ENOX1: variants seen among roughly 807,000 people sequenced by gnomAD.
The protein encoded by ENOX1 is candidate growth-related and time keeping constitutive hydroquinone (NADH) oxidase.
A neutral mutation model predicts 82.5 loss-of-function variants in ENOX1; 42 were observed. That is an observed-to-expected ratio of 0.51 (90% CI 0.40 to 0.66). The LOEUF (loss-of-function observed/expected upper bound fraction) is 0.66. Among genes scored for constraint, ENOX1 ranks in the 30% least tolerant of loss-of-function variants. The pLI, the probability that ENOX1 is intolerant of heterozygous loss-of-function variation, is 0.00. For synonymous variants in ENOX1, 271 were observed against 282.2 expected, an observed-to-expected ratio of 0.96 and a Z score of 0.40; for missense variants, 608 against 811.6, an observed-to-expected ratio of 0.75 and a Z score of 3.05.
At chr13:43,651,336 C>G (rs1318307049) in intron 2 of ENOX1, among the ~76,000 whole-genome samples, 1 of 152,008 alleles carries the variant, frequency 6.6e-6, no homozygotes, top group Non-Finnish European at 1.5e-5. Flanking sequence ...GAAAATTTTG[C>G]CAGGATGCAA....
chr13:43,273,444 T>A (rs751086670), intron 12 of ENOX1, among the ~76,000 whole-genome samples: 5 of 152,166 alleles, frequency 3.3e-5, no homozygotes, highest in Non-Finnish European at 7.3e-5. Flanking sequence ...ACTAAACTCA[T>A]CCTTCCCCAG....
intron 5 of ENOX1, among the ~76,000 whole-genome samples, chr13:43,367,323 C>T (rs375896678): frequency 6.6e-5 from 10 of 152,164 alleles, no homozygotes; most frequent in African/African-American, 2.4e-4. Context: ...AACATAAGTC[C>T]TAATCCCCCA....
intron 2 of ENOX1, among the ~76,000 whole-genome samples, chr13:43,501,795 A>C (rs1307862606): frequency 6.6e-6 from 1 of 150,718 alleles, no homozygotes; most frequent in Admixed American, 6.6e-5. Context: ...ACCTTAACAA[A>C]AAAAAAAAAG....
At chr13:43,564,551 C>A (rs1297429139) in intron 2 of ENOX1, among the ~76,000 whole-genome samples, 1 of 152,104 alleles carries the variant, frequency 6.6e-6, no homozygotes, top group African/African-American at 2.4e-5. Context: ...CTTACAAAAA[C>A]ACTTACCTCA....
At chr13:43,477,602 T>C (rs920981574) in intron 3 of ENOX1, among the ~76,000 whole-genome samples, 11 of 152,240 alleles carry the variant, frequency 7.2e-5, no homozygotes, top group Non-Finnish European at 1.5e-4. Context: ...TTTTGGCAAA[T>C]GAATGGTCAT....
intron 9 of ENOX1, among the ~76,000 whole-genome samples, chr13:43,327,875 C>T (rs1566523508): frequency 6.6e-6 from 1 of 152,184 alleles, no homozygotes; most frequent in African/African-American, 2.4e-5. Context: ...TGATGAACAA[C>T]TACTTCTCAA....
At chr13:43,282,000 A>G (rs1369713968) in intron 12 of ENOX1, among the ~76,000 whole-genome samples, 1 of 152,194 alleles carries the variant, frequency 6.6e-6, no homozygotes, top group Admixed American at 6.5e-5. Flanking sequence ...TAAAAAAATC[A>G]CATTTTGTCA....
intron 5 of ENOX1, among the ~76,000 whole-genome samples, chr13:43,408,861 C>G (rs977636753): frequency 6.6e-6 from 1 of 151,820 alleles, no homozygotes; most frequent in African/African-American, 2.4e-5. Flanking sequence ...ATAACAACTT[C>G]CAGAGTGGGC....
intron 1 of ENOX1, among the ~76,000 whole-genome samples, chr13:43,742,932 T>C (rs1007937134): frequency 2.6e-5 from 4 of 152,080 alleles, no homozygotes; most frequent in Non-Finnish European, 4.4e-5. Flanking sequence ...GAACAGGGAA[T>C]TGGGGGATAG....
intron 3 of ENOX1, among the ~76,000 whole-genome samples, chr13:43,446,435 C>T (rs1326970954): frequency 6.8e-6 from 1 of 146,936 alleles, no homozygotes; most frequent in African/African-American, 2.5e-5. Flanking sequence ...CAAGGATTTC[C>T]TTTTTTTTTT....
chr13:43,522,719 T>A (rs1274841731), intron 2 of ENOX1, among the ~76,000 whole-genome samples: 1 of 152,138 alleles, frequency 6.6e-6, no homozygotes, highest in Admixed American at 6.6e-5. Flanking sequence ...AGTGCACTGG[T>A]ACCCAGATTT....
chr13:43,758,508 A>G (rs1950780520), intron 1 of ENOX1, among the ~76,000 whole-genome samples: 1 of 152,186 alleles, frequency 6.6e-6, no homozygotes, highest in African/African-American at 2.4e-5. Flanking sequence ...TGTGCATAGA[A>G]GGCCAGCATG....
chr13:43,441,405 T>C (rs909519163), intron 3 of ENOX1, among the ~76,000 whole-genome samples: 1 of 152,206 alleles, frequency 6.6e-6, no homozygotes, highest in Non-Finnish European at 1.5e-5. Flanking sequence ...GCTCGAATTG[T>C]TGGAATTATC....
chr13:43,354,374 C>T lies in ENOX1; in HGVS notation c.823+1545G>A, dbSNP rs562463144. On this transcript the variant is annotated intron_variant, in intron 8 of 16. Coordinates refer to ENST00000690772, the MANE Select transcript of ENOX1 (RefSeq NM_001347969.2). ...ATCAGCAAGAAGCATTCCTTGGTTA[C>T]GGTGCGGGTATTTCAGTGGCAGCTG... is the stretch of plus-strand genomic sequence containing the variant. Among the ~76,000 whole-genome samples the T allele has an allele frequency of 5.9e-5, 9 of 152,120 alleles. No individual in the cohort carries two copies. The East Asian group carries it at 7.7e-4, about 13-fold the overall frequency.
At chr13:43,437,033 T>C (rs1386778666) in intron 3 of ENOX1, among the ~76,000 whole-genome samples, 1 of 152,182 alleles carries the variant, frequency 6.6e-6, no homozygotes, top group Non-Finnish European at 1.5e-5. Flanking sequence ...AGAAGAATGC[T>C]GAAGAGGCCT....
At chr13:43,654,385 T>C (rs7323069) in intron 2 of ENOX1, among the ~76,000 whole-genome samples, 5,674 of 152,294 alleles carry the variant, frequency 0.037, 323 homozygotes, top group African/African-American at 0.13. Flanking sequence ...GCACCGCATT[T>C]GCATTAGCCA....
intron 1 of ENOX1, among the ~76,000 whole-genome samples, chr13:43,711,019 C>T (rs861120): frequency 0.92 from 138,991 of 151,514 alleles, 64,036 homozygotes; most frequent in East Asian, 1. Flanking sequence ...GCTGCACCCA[C>T]TAACTCATTA....
intron 5 of ENOX1, among the ~76,000 whole-genome samples, chr13:43,384,952 C>G (rs2052312643): frequency 1.3e-5 from 2 of 151,916 alleles, no homozygotes; most frequent in African/African-American, 4.8e-5. Context: ...CAAGGCTGTT[C>G]ATTGGTTAGT....
At chr13:43,781,095 T>G (rs1373376795) in intron 1 of ENOX1, among the ~76,000 whole-genome samples, 1 of 152,264 alleles carries the variant, frequency 6.6e-6, no homozygotes, top group Non-Finnish European at 1.5e-5. Context: ...CTGGCATTAC[T>G]TTCTATACTG....
Sources: gnomAD v4.1 joint callset for allele counts (sites outside exome capture counted in the v4.1 genomes callset) on GRCh38, gnomAD v4.1.1 for gene constraint, MANE v1.5 for transcripts, NCBI Gene and HGNC (gene_info 2026-07-23, HGNC 2026-07-21) for gene names.